Variants in EIPR1 observed in about 807,000 individuals in gnomAD.
The protein encoded by EIPR1 is EARP complex and GARP complex interacting protein 1.
EIPR1 carries 25 observed loss-of-function variants against 48.1 expected under a neutral mutation model. The observed-to-expected ratio is 0.52, with a 90% CI of 0.38 to 0.73. EIPR1 has a LOEUF of 0.73. Ranked by LOEUF, EIPR1 falls within the 30% of genes least tolerant of loss-of-function variation. EIPR1 has a pLI of 0.00. For missense variants in EIPR1, 415 were observed against 506.2 expected (o/e 0.82, Z 1.73); for synonymous variants, 204 against 201.9 (o/e 1.01, Z -0.09).
intron 5 of EIPR1, chr2:3,208,745 C>T: frequency 1.3e-6 from 2 of 1,545,090 alleles, no homozygotes; most frequent in Non-Finnish European, 1.7e-6. Flanking sequence ...GCGGGTCCTT[C>T]TGTGAGTGAG....
At chr2:3,274,850 TATTTA>T (rs1667800965) in intron 3 of EIPR1, among the ~76,000 whole-genome samples, 1 of 152,162 alleles carries the variant, frequency 6.6e-6, no homozygotes, top group East Asian at 1.9e-4. Context: ...AAATACTGAA[TATTTA>T]ATTTCAGATT....
chr2:3,320,113 G>GC (rs1558296428), intron 3 of EIPR1: 1 of 129,202 alleles, frequency 7.7e-6, no homozygotes, highest in Non-Finnish European at 1.6e-5. Context: ...GGGCAACACC[G>GC]CCCCTGGGGG....
At chr2:3,206,010 A>T (rs1665222656) in intron 5 of EIPR1, among the ~76,000 whole-genome samples, 2 of 152,306 alleles carry the variant, frequency 1.3e-5, no homozygotes, top group South Asian at 2.1e-4. Flanking sequence ...TGTGGGGCGA[A>T]CACTGATGCT....
intron 2 of EIPR1, among the ~76,000 whole-genome samples, chr2:3,341,465 G>A (rs538992154): frequency 2.0e-5 from 3 of 152,250 alleles, no homozygotes; most frequent in South Asian, 4.1e-4. Context: ...GTGTATGTGC[G>A]TGGGAGTGCG....
At chr2:3,365,995 C>G (rs9710688) in intron 1 of EIPR1, among the ~76,000 whole-genome samples, 1 of 68,670 alleles carries the variant, frequency 1.5e-5, no homozygotes, top group Non-Finnish European at 3.6e-5. Flanking sequence ...GGCCAGCCAC[C>G]CCGTCCGAGA....
chr2:3,189,580 G>GC lies in EIPR1; in HGVS notation c.990-73dup, dbSNP rs1218926756. On this transcript the variant is annotated intron_variant, in intron 8 of 8. Transcript: ENST00000382125. The surrounding 1 kb of genome is among the most constrained non-coding windows in gnomAD (Gnocchi z 4.6). Reference sequence around the variant, plus strand: ...CGGGCAGGAGAGGGGCAGGGAGGACGCGAGCGCTGACATCGGGAGACACGG... The same window carrying GC: ...CGGGCAGGAGAGGGGCAGGGAGGACGCCGAGCGCTGACATCGGGAGACACGG... The GC allele has an allele frequency of 1.4e-6, 2 of 1,400,780 alleles. No individual in the cohort carries two copies. The highest frequency in any genetic ancestry group is 5.2e-5 in the East Asian group (2 of 38,806). The allele number at this position is 1,400,780 out of a possible 1,614,324, so 86.8% of individuals were successfully genotyped here.
At chr2:3,283,738 G>C (rs1379778865) in intron 3 of EIPR1, among the ~76,000 whole-genome samples, 2 of 152,188 alleles carry the variant, frequency 1.3e-5, no homozygotes, top group Non-Finnish European at 2.9e-5. Context: ...GAGGTCAGGA[G>C]TTCAAGACCA....
intron 1 of EIPR1, among the ~76,000 whole-genome samples, chr2:3,361,430 T>A (rs1350875212): frequency 6.6e-6 from 1 of 151,884 alleles, no homozygotes. Context: ...CTCTCTCTCT[T>A]CTCTGGCTTC....
rs1471666263 is a variant in EIPR1 at position 3,269,357 on chromosome 2, G to A, written c.260-11902C>T. 8.6e-4 allele frequency among the ~76,000 whole-genome samples: 39 copies of A among 45,464 alleles called. 3 individuals are homozygous for A. The highest frequency in any genetic ancestry group is 2.0e-3 in the South Asian group (2 of 1,024). 29.8% of individuals were successfully genotyped at this position (45,464 alleles called of 152,430 possible). On this transcript the variant is annotated intron_variant, in intron 3 of 8. Coordinates refer to ENST00000382125, the MANE Select transcript of EIPR1 (RefSeq NM_003310.5). Reference sequence around the variant, plus strand: ...TCATCACACTCAGTCATCGCACTCAGTCATCGCACTCAATCATCGCACTCA... The same window carrying A: ...TCATCACACTCAGTCATCGCACTCAATCATCGCACTCAATCATCGCACTCA...
intron 5 of EIPR1, among the ~76,000 whole-genome samples, chr2:3,198,500 A>G (rs1017811243): frequency 1.3e-5 from 2 of 152,128 alleles, no homozygotes; most frequent in Admixed American, 6.5e-5. Flanking sequence ...ATTTTTGGAA[A>G]CTGAAAGCCA....
At chr2:3,266,193 CG>C (rs1572374789) in intron 3 of EIPR1, among the ~76,000 whole-genome samples, 1 of 152,158 alleles carries the variant, frequency 6.6e-6, no homozygotes, top group African/African-American at 2.4e-5. Context: ...GGCTAAAGGG[CG>C]AACAATGCCC....
rs1180138018 is a variant in EIPR1, at chr2:3,373,964, C to T, written c.42+3684G>A. On this transcript the variant is annotated intron_variant, in intron 1 of 8. Transcript: ENST00000382125. Reference sequence around the variant, plus strand: ...GAACAAAGCTGGAGGCATCACGCTACCTGACTTCAAACTATACTACAAGGC... The same window carrying T: ...GAACAAAGCTGGAGGCATCACGCTATCTGACTTCAAACTATACTACAAGGC... Among the ~76,000 whole-genome samples the T allele has an allele frequency of 9.3e-5, 14 of 150,514 alleles. 2 individuals carry two copies. The South Asian group carries it at 1.7e-3, about 18-fold the overall frequency.
intron 5 of EIPR1, among the ~76,000 whole-genome samples, chr2:3,211,428 A>T (rs1294764298): frequency 6.6e-6 from 1 of 152,134 alleles, no homozygotes; most frequent in East Asian, 1.9e-4. Context: ...GAGCTCTGAG[A>T]TTAAGCTCGG....
intron 2 of EIPR1, among the ~76,000 whole-genome samples, chr2:3,343,025 A>G (rs1553303651): frequency 6.6e-6 from 1 of 152,244 alleles, no homozygotes; most frequent in Non-Finnish European, 1.5e-5. Context: ...TCCTTAAAAC[A>G]GCCCTATAAT....
Position 3,377,771 on chromosome 2 carries a change from G to C in EIPR1, c.-82C>G. 1 of 1,501,034 alleles carries C rather than the reference G, an allele frequency of 6.7e-7. No homozygotes were observed. Among genetic ancestry groups the C allele is most frequent in the South Asian group, 1.2e-5 (1 of 82,490 alleles). 93.0% of individuals were successfully genotyped at this position (1,501,034 alleles called of 1,614,324 possible). On this transcript the variant is annotated 5_prime_UTR_variant, in exon 1 of 9. Transcript: ENST00000382125. ...CGGCGCGTCCCCACCTCGCGGGCGTGTTCCCAGCGCCCATTCATTCCCTCC... is the reference window on the plus strand; with the variant it reads ...CGGCGCGTCCCCACCTCGCGGGCGTCTTCCCAGCGCCCATTCATTCCCTCC...
At chr2:3,367,405 A>G (rs1266487603) in intron 1 of EIPR1, among the ~76,000 whole-genome samples, 1 of 152,258 alleles carries the variant, frequency 6.6e-6, no homozygotes, top group Admixed American at 6.5e-5. Flanking sequence ...TAACAAGTCA[A>G]CACTGTAACA....
chr2:3,251,903 T>C (rs908150043), intron 4 of EIPR1, among the ~76,000 whole-genome samples: 15 of 152,176 alleles, frequency 9.9e-5, no homozygotes, highest in African/African-American at 3.4e-4. Context: ...CCAGTGTTTC[T>C]GGAGTTCTGG....
At chr2:3,233,759 C>T (rs909430699) in intron 4 of EIPR1, among the ~76,000 whole-genome samples, 1 of 152,222 alleles carries the variant, frequency 6.6e-6, no homozygotes, top group African/African-American at 2.4e-5. Context: ...ACTTGTTCTT[C>T]ATCAAAGTTC....
At chr2:3,292,320 G>A (rs545205812) in intron 3 of EIPR1, among the ~76,000 whole-genome samples, 24 of 152,244 alleles carry the variant, frequency 1.6e-4, no homozygotes, top group African/African-American at 5.3e-4. Flanking sequence ...AAAAAAGACC[G>A]TGAGCCCTAC....
Sources: allele counts gnomAD v4.1 joint callset (sites outside exome capture counted in the v4.1 genomes callset), GRCh38; gene constraint gnomAD v4.1.1; non-coding constraint Gnocchi (gnomAD v3.1); transcripts MANE v1.5; gene names NCBI Gene and HGNC (gene_info 2026-07-23, HGNC 2026-07-21).